IL7: variants seen among roughly 807,000 people sequenced by gnomAD.
The protein encoded by IL7 is interleukin-7.
Under a neutral mutation model 21.6 loss-of-function variants are expected in IL7, and 3 were observed. The ratio of observed to expected loss-of-function variants is 0.14; its 90% CI spans 0.06 to 0.36. The LOEUF (loss-of-function observed/expected upper bound fraction) is 0.36, where lower values mean the gene tolerates loss of function less well. IL7 is among the 10% of genes least tolerant of loss of function. The probability of loss-of-function intolerance (pLI) is 1.00; values close to 1 mark genes in which losing one functional copy is unlikely to be tolerated. For synonymous variants in IL7, 62 were observed against 68.1 expected, an observed-to-expected ratio of 0.91 and a Z score of 0.44; for missense variants, 175 against 200.2, an observed-to-expected ratio of 0.87 and a Z score of 0.76.
At chr8:78,776,133 A>G (rs1813129838) in intron 2 of IL7, among the ~76,000 whole-genome samples, 1 of 152,096 alleles carries the variant, frequency 6.6e-6, no homozygotes, top group Admixed American at 6.6e-5. Flanking sequence ...AGCAATTATG[A>G]CAATATTCTA....
intron 2 of IL7, among the ~76,000 whole-genome samples, chr8:78,767,180 T>C (rs1436848171): frequency 6.6e-6 from 1 of 152,098 alleles, no homozygotes; most frequent in Middle Eastern, 3.4e-3. Context: ...GATATTTTAC[T>C]TTAGGTTTAT....
At chr8:78,714,912 T>C (rs1811053030), downstream of IL7, among the ~76,000 whole-genome samples, 1 of 152,174 alleles carries the variant, frequency 6.6e-6, no homozygotes, top group African/African-American at 2.4e-5. Context: ...TTGAGGGAAA[T>C]ATAAATTTAA....
At chr8:78,710,759 A>T (rs996028816) in intron 3 of IL7, among the ~76,000 whole-genome samples, 2 of 152,244 alleles carry the variant, frequency 1.3e-5, no homozygotes, top group African/African-American at 2.4e-5. Flanking sequence ...TTAATTTAAA[A>T]TATTTTAGAA....
At position 78,777,578 on chromosome 8, in the gene IL7, A is replaced by G. The variant is rs142713826; in HGVS notation, c.147+20494T>C. On this transcript the variant is annotated intron_variant, in intron 2 of 5. Transcript: ENST00000263851. ...TTATTTGCTTGTTCCTAATGCAAGAACTATATTTTATCAATCTTTGAGTTT... is the reference window on the plus strand; with the variant it reads ...TTATTTGCTTGTTCCTAATGCAAGAGCTATATTTTATCAATCTTTGAGTTT... Among the ~76,000 whole-genome samples the G allele has an allele frequency of 8.9e-3, 1,360 of 152,148 alleles. 16 individuals carry two copies. The highest frequency in any genetic ancestry group is 0.031 in the African/African-American group (1,284 of 41,558).
At chr8:78,695,724 A>G (rs1050247629) in intron 3 of IL7, among the ~76,000 whole-genome samples, 3 of 152,170 alleles carry the variant, frequency 2.0e-5, no homozygotes, top group African/African-American at 7.2e-5. Flanking sequence ...AAAAATCAGT[A>G]TCATTATATG....
At chr8:78,689,362 C>T (rs373208347) in intron 3 of IL7, 10 of 1,587,568 alleles carry the variant, frequency 6.3e-6, no homozygotes, top group Middle Eastern at 1.7e-4. Context: ...ACCAACTTCT[C>T]GGACACAGGT....
intron 3 of IL7, among the ~76,000 whole-genome samples, chr8:78,724,357 T>G (rs1201895141): frequency 3.3e-5 from 5 of 152,082 alleles, no homozygotes; most frequent in African/African-American, 1.2e-4. Context: ...CATTTCTGTA[T>G]ATCTACATAT....
intron 2 of IL7, among the ~76,000 whole-genome samples, chr8:78,769,284 C>T (rs1418461989): frequency 6.6e-6 from 1 of 151,898 alleles, no homozygotes; most frequent in South Asian, 2.1e-4. Flanking sequence ...TCTAGAAAAC[C>T]CCATTGTCTC....
intron 3 of IL7, among the ~76,000 whole-genome samples, chr8:78,727,546 T>C (rs1811359242): frequency 6.6e-6 from 1 of 152,028 alleles, no homozygotes; most frequent in East Asian, 1.9e-4. Context: ...TGAAATTTGC[T>C]TGAAGTGGAA....
intron 2 of IL7, among the ~76,000 whole-genome samples, chr8:78,779,191 A>G (rs1813233833): frequency 6.6e-6 from 1 of 152,182 alleles, no homozygotes; most frequent in Non-Finnish European, 1.5e-5. Flanking sequence ...ATCGGCAAAC[A>G]GTTTGACTTC....
intron 2 of IL7, among the ~76,000 whole-genome samples, chr8:78,776,596 T>C (rs1269558622): frequency 6.6e-6 from 1 of 152,112 alleles, no homozygotes; most frequent in South Asian, 2.1e-4. Context: ...TTCTTAAGGA[T>C]GTGAGATAGG....
At position 78,794,910 on chromosome 8, in the gene IL7, C is replaced by G. The variant is rs1451872370; in HGVS notation, c.147+3162G>C. 5.3e-5 allele frequency among the ~76,000 whole-genome samples: 8 copies of G among 152,166 alleles called. 1 individual carries two copies. In the East Asian group the frequency reaches 1.5e-3, roughly 29 times the overall value. On this transcript the variant is annotated intron_variant, in intron 2 of 5. Transcript: ENST00000263851. ...CTATCCACACCCAAACCCAACATCA[C>G]CTACACAAATGGGTTTTTCATAGTA...
intron 2 of IL7, among the ~76,000 whole-genome samples, chr8:78,753,550 C>A (rs1268591666): frequency 6.6e-6 from 1 of 152,100 alleles, no homozygotes; most frequent in Non-Finnish European, 1.5e-5. Flanking sequence ...ATTATAGTTT[C>A]TTTTGCTGTG....
intron 4 of IL7, among the ~76,000 whole-genome samples, chr8:78,676,986 C>G (rs1240211201): frequency 6.6e-6 from 1 of 151,854 alleles, no homozygotes; most frequent in Non-Finnish European, 1.5e-5. Context: ...ATCTGCTATC[C>G]TCATTTTTTA....
At chr8:78,784,325 A>T (rs1293499583) in intron 2 of IL7, among the ~76,000 whole-genome samples, 1 of 152,102 alleles carries the variant, frequency 6.6e-6, no homozygotes, top group Admixed American at 6.6e-5. Context: ...ACCATATGCC[A>T]CCCCAATCCT....
downstream of IL7, among the ~76,000 whole-genome samples, chr8:78,675,147 T>C (rs1809540989): frequency 6.6e-6 from 1 of 151,660 alleles, no homozygotes; most frequent in Non-Finnish European, 1.5e-5. Flanking sequence ...TTATTAATAA[T>C]TGAGTGAAAG....
intron 5 of IL7, among the ~76,000 whole-genome samples, chr8:78,734,749 C>T (rs1811515281): frequency 6.6e-6 from 1 of 152,106 alleles, no homozygotes; most frequent in Non-Finnish European, 1.5e-5. Context: ...GGTATTCTCT[C>T]AGTCATATAT....
At chr8:78,797,976 C>T in intron 2 of IL7, 96 bp downstream of exon 2, 2 of 939,988 alleles carry the variant, frequency 2.1e-6, no homozygotes, top group Non-Finnish European at 3.2e-6. Context: ...ACTTTCTTGT[C>T]AAGAAAGATG....
chr8:78,760,543 A>G (rs975490876), intron 2 of IL7: 26 of 1,543,608 alleles, frequency 1.7e-5, no homozygotes, highest in African/African-American at 5.6e-5. Flanking sequence ...AGTCACTTCT[A>G]TACATGTCAG....
Sources: gnomAD v4.1 joint callset for allele counts (sites outside exome capture counted in the v4.1 genomes callset) on GRCh38, gnomAD v4.1.1 for gene constraint, MANE v1.5 for transcripts, NCBI Gene and HGNC (gene_info 2026-07-23, HGNC 2026-07-21) for gene names.